The following GRXCR2 variants were observed in gnomAD, a reference collection of about 807,000 sequenced individuals.
The protein encoded by GRXCR2 is glutaredoxin domain-containing cysteine-rich protein 2.
GRXCR2 carries 23 observed loss-of-function variants against 24.8 expected under a neutral mutation model. The observed-to-expected ratio is 0.93, with a 90% confidence interval of 0.67 to 1.32. The LOEUF is 1.32. Ranked by LOEUF, GRXCR2 falls within the 40% of genes most tolerant of loss-of-function variation. The pLI is 0.00. For synonymous variants in GRXCR2, 130 were observed against 116.1 expected (o/e 1.12, Z -0.77); for missense variants, 315 against 303.4 (o/e 1.04, Z -0.28).
intron 2 of GRXCR2, among the ~76,000 whole-genome samples, chr5:145,879,411 G>T (rs933626749): frequency 2.0e-5 from 3 of 148,944 alleles, no homozygotes; most frequent in Admixed American, 6.7e-5. Flanking sequence ...CCTAGTCTCT[G>T]ATAAAATAGA....
chr5:145,912,713 A>T (rs527333092), intron 2 of GRXCR2, among the ~76,000 whole-genome samples: 1 of 152,152 alleles, frequency 6.6e-6, no homozygotes, highest in Admixed American at 6.5e-5. Flanking sequence ...AAGAGGAGGT[A>T]TGAGGCGGAG....
upstream of GRXCR2, among the ~76,000 whole-genome samples, chr5:145,875,832 C>T (rs1756604135): frequency 6.6e-6 from 1 of 152,120 alleles, no homozygotes; most frequent in Non-Finnish European, 1.5e-5. Context: ...AGGTGTCCCC[C>T]AGGACTACAT....
At chr5:145,871,816 A>G (rs956200188) in intron 1 of GRXCR2, among the ~76,000 whole-genome samples, 2 of 152,196 alleles carry the variant, frequency 1.3e-5, no homozygotes, top group African/African-American at 4.8e-5. Context: ...CTGGTGTGCT[A>G]TTCATTAATA....
intron 2 of GRXCR2, among the ~76,000 whole-genome samples, chr5:145,898,287 T>TAA (rs35725132): frequency 1.4e-5 from 2 of 138,556 alleles, no homozygotes; most frequent in African/African-American, 2.6e-5. Context: ...AATCAGTAAT[T>TAA]AAAAAAAAAA....
At chr5:145,891,699 C>T (rs752210537) in intron 2 of GRXCR2, among the ~76,000 whole-genome samples, 1 of 152,202 alleles carries the variant, frequency 6.6e-6, no homozygotes, top group Non-Finnish European at 1.5e-5. Flanking sequence ...TAGACTCCAC[C>T]TCTGGGGGCA....
intron 2 of GRXCR2, among the ~76,000 whole-genome samples, chr5:145,911,886 C>T (rs145609859): frequency 5.9e-5 from 9 of 152,172 alleles, no homozygotes; most frequent in African/African-American, 2.2e-4. Flanking sequence ...TCTAGAAGTT[C>T]GAGACTAGCC....
chr5:145,890,660 A>G (rs1581343177), intron 2 of GRXCR2, among the ~76,000 whole-genome samples: 1 of 152,312 alleles, frequency 6.6e-6, no homozygotes, highest in South Asian at 2.1e-4. Flanking sequence ...ACCTGTTACC[A>G]CAAAAACACA....
At chr5:145,871,181 T>G (rs1213075518) in intron 1 of GRXCR2, among the ~76,000 whole-genome samples, 1 of 152,218 alleles carries the variant, frequency 6.6e-6, no homozygotes, top group East Asian at 1.9e-4. Flanking sequence ...AAGGTTTGCA[T>G]GAACTGTGAC....
chr5:145,876,310 T>A (rs1450607381), upstream of GRXCR2, among the ~76,000 whole-genome samples: 1 of 148,454 alleles, frequency 6.7e-6, no homozygotes, highest in Non-Finnish European at 1.5e-5. Flanking sequence ...AGGGTCTTGC[T>A]CTGTCGCCCA....
At chr5:145,860,178 T>A (rs1387972056) in intron 2 of GRXCR2, among the ~76,000 whole-genome samples, 1 of 152,214 alleles carries the variant, frequency 6.6e-6, no homozygotes, top group Non-Finnish European at 1.5e-5. Context: ...TCATTGCCCT[T>A]GTCACTATCT....
intron 2 of GRXCR2, among the ~76,000 whole-genome samples, chr5:145,907,213 G>GC (rs1210203810): frequency 6.6e-6 from 1 of 152,064 alleles, no homozygotes; most frequent in Non-Finnish European, 1.5e-5. Flanking sequence ...CAGAGGAGGG[G>GC]CATGTACTGA....
At chr5:145,865,759 G>A (rs1405878578) in intron 2 of GRXCR2, among the ~76,000 whole-genome samples, 1 of 152,140 alleles carries the variant, frequency 6.6e-6, no homozygotes, top group Non-Finnish European at 1.5e-5. Flanking sequence ...CTGCCAAATG[G>A]AATCATGACT....
intron 2 of GRXCR2, among the ~76,000 whole-genome samples, chr5:145,865,430 T>C (rs1470452010): frequency 1.3e-5 from 2 of 152,148 alleles, no homozygotes; most frequent in African/African-American, 2.4e-5. Context: ...TTCTAAGGGG[T>C]ATGAGAGGAA....
At chr5:145,878,382 G>A (rs1177650755) in intron 2 of GRXCR2, among the ~76,000 whole-genome samples, 3 of 152,182 alleles carry the variant, frequency 2.0e-5, no homozygotes, top group Non-Finnish European at 4.4e-5. Context: ...ACCATGGCAT[G>A]AGAACTTCAT....
chr5:145,922,874 G>A (rs568310150), intron 2 of GRXCR2, among the ~76,000 whole-genome samples: 100 of 152,290 alleles, frequency 6.6e-4, no homozygotes, highest in African/African-American at 2.4e-3. Flanking sequence ...CTTTAGTTAC[G>A]ACCTTCCTAA....
At chr5:145,928,826 A>T (rs1757436597) in intron 2 of GRXCR2, among the ~76,000 whole-genome samples, 1 of 151,930 alleles carries the variant, frequency 6.6e-6, no homozygotes, top group African/African-American at 2.4e-5. Flanking sequence ...TGGGTGCAGC[A>T]CACCAACATG....
intron 2 of GRXCR2, among the ~76,000 whole-genome samples, chr5:145,879,044 C>A (rs1252474917): frequency 6.6e-6 from 1 of 152,086 alleles, no homozygotes; most frequent in Non-Finnish European, 1.5e-5. Context: ...CAGAAGGAAG[C>A]ACTAAACATG....
At chr5:145,915,741 A>G (rs574988335) in intron 2 of GRXCR2, among the ~76,000 whole-genome samples, 16 of 152,058 alleles carry the variant, frequency 1.1e-4, no homozygotes, top group African/African-American at 3.6e-4. Flanking sequence ...CTCAAAAAAA[A>G]AAAAAGGAAG....
intron 2 of GRXCR2, among the ~76,000 whole-genome samples, chr5:145,879,739 C>T (rs1756672169): frequency 6.6e-6 from 1 of 152,192 alleles, no homozygotes; most frequent in South Asian, 2.1e-4. Context: ...CCCAAATCAA[C>T]AGAATATACA....
Sources: allele counts gnomAD v4.1 joint callset (sites outside exome capture counted in the v4.1 genomes callset), GRCh38; gene constraint gnomAD v4.1.1; transcripts MANE v1.5; gene names NCBI Gene and HGNC (gene_info 2026-07-23, HGNC 2026-07-21).